Variants in VPS53 observed in about 807,000 individuals in gnomAD.
VPS53 encodes the protein vacuolar protein sorting-associated protein 53 homolog.
Under a neutral mutation model 107.0 loss-of-function variants are expected in VPS53, and 70 were observed. The observed-to-expected ratio is 0.65, with a 90% CI of 0.54 to 0.80. The LOEUF (loss-of-function observed/expected upper bound fraction) is 0.80, where lower values mean the gene tolerates loss of function less well. Ranked by LOEUF, VPS53 falls within the 30% of genes least tolerant of loss-of-function variation. The pLI, the probability that VPS53 is intolerant of heterozygous loss-of-function variation, is 0.00. For missense variants in VPS53, 917 were observed against 1,049.4 expected (o/e 0.87, Z 1.74); for synonymous variants, 409 against 393.3 (o/e 1.04, Z -0.47).
At chr17:559,511 G>A (rs949739709) in intron 15 of VPS53, among the ~76,000 whole-genome samples, 1 of 152,132 alleles carries the variant, frequency 6.6e-6, no homozygotes, top group South Asian at 2.1e-4. Context: ...CATGACCTTC[G>A]CAACTCAACA....
At chr17:643,189 C>T (rs1199286187) in intron 7 of VPS53, among the ~76,000 whole-genome samples, 5 of 60,522 alleles carry the variant, frequency 8.3e-5, no homozygotes, top group Admixed American at 1.6e-4. Context: ...AAAGCGAGGA[C>T]AACACTCATA....
rs1022414599 is a variant in VPS53 at position 714,793 on chromosome 17, C to A, written c.-84G>T. 1.3e-6 allele frequency: 2 copies of A among 1,508,640 alleles called. No individual in the cohort carries two copies. Among genetic ancestry groups the A allele is most frequent in the Non-Finnish European group, 9.2e-7 (1 of 1,088,038 alleles). 93.5% of individuals were successfully genotyped at this position (1,508,640 alleles called of 1,614,324 possible). A position where few individuals can be genotyped will look rare whatever the true frequency, so the allele number is the denominator to read the frequency against. On this transcript the variant is annotated 5_prime_UTR_variant, in exon 1 of 22. Transcript: ENST00000437048. Reference sequence around the variant, plus strand: ...CACCCAGGCCCCAGCACAGCAACTCCCTCGCGGCAGCGACCTGGTGAGCCC... The same window carrying A: ...CACCCAGGCCCCAGCACAGCAACTCACTCGCGGCAGCGACCTGGTGAGCCC...
intron 13 of VPS53, among the ~76,000 whole-genome samples, chr17:569,903 CAAA>C (rs61335321): frequency 8.5e-5 from 9 of 106,122 alleles, no homozygotes; most frequent in Admixed American, 3.0e-4. Flanking sequence ...GACTCTGCCT[CAAA>C]AAAAAAAAAA....
At chr17:532,629 C>A in intron 19 of VPS53, 7 of 1,292,216 alleles carry the variant, frequency 5.4e-6, no homozygotes, top group African/African-American at 1.5e-5. Context: ...CTGTGTTATA[C>A]CCTGCACCCA....
chr17:653,244 C>A lies in VPS53; in HGVS notation c.608+47G>T. 6 of 1,594,890 alleles carry A rather than the reference C, an allele frequency of 3.8e-6. No individual in the cohort carries two copies. In the South Asian group the frequency reaches 6.9e-5, roughly 18 times the overall value. ...TGACAGTTTACCTTTCGGAAAGCTG[C>A]CGGATCTGCGGAATCCCCATATACT... On this transcript the variant is annotated intron_variant, in intron 7 of 21. Transcript: ENST00000437048.
At chr17:646,396 T>A in intron 7 of VPS53, among the ~76,000 whole-genome samples, 1 of 129,646 alleles carries the variant, frequency 7.7e-6, no homozygotes, top group South Asian at 2.6e-4. Flanking sequence ...GTGTGGCCAC[T>A]GCCTCCTAAG....
intron 7 of VPS53, among the ~76,000 whole-genome samples, chr17:640,769 T>C (rs1477490496): frequency 6.6e-6 from 1 of 152,060 alleles, no homozygotes; most frequent in African/African-American, 2.4e-5. Flanking sequence ...TAACTGGCTT[T>C]ACAGGTGGCT....
At chr17:537,222 GGTGTC>G (rs1383139248) in intron 17 of VPS53, 46 bp from the exon 18 acceptor site, 1 of 1,599,350 alleles carries the variant, frequency 6.3e-7, no homozygotes, top group African/African-American at 1.3e-5. Context: ...GCAGGAGAAC[GGTGTC>G]GCCTGTTACT....
intron 4 of VPS53, chr17:674,146 G>A (rs550596661): frequency 6.6e-6 from 1 of 152,278 alleles, no homozygotes; most frequent in Admixed American, 6.5e-5. Context: ...ACAAGGAAAC[G>A]TTTAAGCAAA....
chr17:533,781 T>C (rs181355723), intron 18 of VPS53, among the ~76,000 whole-genome samples: 3 of 152,284 alleles, frequency 2.0e-5, no homozygotes, highest in Non-Finnish European at 4.4e-5. Flanking sequence ...GGCCAAAACA[T>C]TTAACTCTGG....
At chr17:647,253 T>C (rs1188932020) in intron 7 of VPS53, among the ~76,000 whole-genome samples, 1 of 152,218 alleles carries the variant, frequency 6.6e-6, no homozygotes, top group Admixed American at 6.5e-5. Context: ...TCTTCTGAGA[T>C]CCTGCTATGC....
intron 4 of VPS53, among the ~76,000 whole-genome samples, chr17:664,863 C>T (rs1971614636): frequency 6.6e-6 from 1 of 152,058 alleles, no homozygotes. Flanking sequence ...GAGGGAGAAC[C>T]AAGGATGACG....
intron 11 of VPS53, among the ~76,000 whole-genome samples, chr17:620,807 C>T (rs1306815708): frequency 1.3e-5 from 2 of 151,238 alleles, no homozygotes; most frequent in Admixed American, 6.6e-5. Flanking sequence ...GGGGTTTTGT[C>T]ACGGTAGCCA....
chr17:595,932 A>T (rs1348399260), intron 12 of VPS53, among the ~76,000 whole-genome samples: 1 of 139,668 alleles, frequency 7.2e-6, no homozygotes, highest in Non-Finnish European at 1.5e-5. Context: ...AGGGGTCTGG[A>T]TCAATTTCCT....
At chr17:525,354 G>A (rs12944145) in intron 19 of VPS53, among the ~76,000 whole-genome samples, 14,269 of 152,096 alleles carry the variant, frequency 0.094, 783 homozygotes, top group Non-Finnish European at 0.13. Flanking sequence ...TCATGGGGGC[G>A]GTCTTCAGCA....
chr17:574,872 G>T (rs561264140), intron 13 of VPS53, among the ~76,000 whole-genome samples: 1 of 152,184 alleles, frequency 6.6e-6, no homozygotes. Context: ...AGTCATCCAG[G>T]GGGGTTCCTC....
intron 7 of VPS53, among the ~76,000 whole-genome samples, chr17:642,880 CACTCATACT>C (rs1970490968): frequency 6.9e-6 from 1 of 144,886 alleles, no homozygotes. Context: ...TCGAGGACAA[CACTCATACT>C]TGGAAATCGA....
chr17:631,606 A>G lies in VPS53; in HGVS notation c.631T>C (p.Leu211=). ...AAATCTGCCAGGATTTGCTGTCCTA[A>G]CTCAGTCTGTGCAGCCTTCACTCTG... is the stretch of plus-strand genomic sequence containing the variant. The part of the protein sequence containing the change: ...SERVKAAQTE[L]GQQILADFEE... Residue 211 remains leucine, a synonymous_variant, in exon 8 of 22, where the codon TTA becomes CTA. Transcript: ENST00000437048. 1 of 1,613,984 alleles carries G rather than the reference A, an allele frequency of 6.2e-7. No individual in the cohort carries two copies. The highest frequency in any genetic ancestry group is 1.1e-5 in the South Asian group (1 of 91,082).
chr17:631,953 T>A (rs1200540589), intron 7 of VPS53, among the ~76,000 whole-genome samples: 2 of 152,106 alleles, frequency 1.3e-5, no homozygotes, highest in African/African-American at 4.8e-5. Context: ...CACATCCACA[T>A]CAAATATAAA....
Sources: allele counts gnomAD v4.1 joint callset (sites outside exome capture counted in the v4.1 genomes callset), GRCh38; gene constraint gnomAD v4.1.1; transcripts MANE v1.5; gene names NCBI Gene and HGNC (gene_info 2026-07-23, HGNC 2026-07-21).